The following COLEC12 variants were observed in gnomAD, a reference collection of about 807,000 sequenced individuals.
COLEC12 encodes collectin-12.
In COLEC12, 33 loss-of-function variants were observed where a neutral mutation model predicts 71.1. The ratio of observed to expected loss-of-function variants is 0.46; its 90% CI spans 0.35 to 0.62. The LOEUF (loss-of-function observed/expected upper bound fraction) is 0.62. COLEC12 is among the 20% of genes least tolerant of loss of function. The pLI is 0.00. For missense variants in COLEC12, 765 were observed against 916.1 expected (o/e 0.84, Z 2.13); for synonymous variants, 350 against 353.0 (o/e 0.99, Z 0.10).
At chr18:415,167 T>C (rs1014640381) in intron 2 of COLEC12, among the ~76,000 whole-genome samples, 1 of 152,232 alleles carries the variant, frequency 6.6e-6, no homozygotes, top group Non-Finnish European at 1.5e-5. Context: ...ACTAACATTA[T>C]TTCATTTGAT....
intron 2 of COLEC12, among the ~76,000 whole-genome samples, chr18:384,300 C>T (rs73942900): frequency 0.029 from 4,436 of 152,092 alleles, 214 homozygotes; most frequent in African/African-American, 0.099. Context: ...GCTAGTCCAC[C>T]TCACCTGGAG....
At chr18:406,604 T>A (rs1450084138) in intron 2 of COLEC12, among the ~76,000 whole-genome samples, 8 of 152,148 alleles carry the variant, frequency 5.3e-5, no homozygotes, top group Admixed American at 5.2e-4. Context: ...TTCCTTTACT[T>A]TCCTAATAAA....
intron 2 of COLEC12, among the ~76,000 whole-genome samples, chr18:453,334 G>A (rs1403864952): frequency 6.6e-6 from 1 of 152,264 alleles, no homozygotes; most frequent in South Asian, 2.1e-4. Context: ...GAGGGAGAAG[G>A]AAGAGAGAAG....
chr18:469,797 C>A (rs2846666), intron 2 of COLEC12, among the ~76,000 whole-genome samples: 110,301 of 152,044 alleles, frequency 0.73, 40,162 homozygotes, highest in East Asian at 0.9. Context: ...TACTCTATGA[C>A]TCTGTTTGGG....
intron 5 of COLEC12, among the ~76,000 whole-genome samples, chr18:342,811 G>T (rs1914285385): frequency 6.6e-6 from 1 of 152,182 alleles, no homozygotes; most frequent in South Asian, 2.1e-4. Flanking sequence ...TGAACAACAA[G>T]ACCAGTGATA....
chr18:343,345 A>C (rs1406488911), intron 5 of COLEC12, among the ~76,000 whole-genome samples: 1 of 151,922 alleles, frequency 6.6e-6, no homozygotes, highest in Non-Finnish European at 1.5e-5. Context: ...GGACCTCCTA[A>C]AGCTGGGGTC....
chr18:340,187 C>T (rs1914218450), intron 5 of COLEC12, among the ~76,000 whole-genome samples: 1 of 151,876 alleles, frequency 6.6e-6, no homozygotes, highest in South Asian at 2.1e-4. Context: ...ATGTGATGTC[C>T]TACGTGGAAG....
chr18:404,111 G>A (rs150230882), intron 2 of COLEC12, among the ~76,000 whole-genome samples: 13 of 152,320 alleles, frequency 8.5e-5, no homozygotes, highest in South Asian at 2.1e-4. Context: ...CGATGTGCGA[G>A]TATAATATAG....
intron 5 of COLEC12, among the ~76,000 whole-genome samples, chr18:344,540 A>C (rs911821056): frequency 2.0e-5 from 3 of 152,230 alleles, no homozygotes; most frequent in Non-Finnish European, 4.4e-5. Flanking sequence ...GGGGCTACTC[A>C]AAGTAAACAT....
intron 3 of COLEC12, among the ~76,000 whole-genome samples, 162 bp downstream of exon 3, chr18:357,238 T>G (rs1010593246): frequency 6.6e-6 from 1 of 152,216 alleles, no homozygotes; most frequent in Admixed American, 6.5e-5. Flanking sequence ...TCAGATCTCA[T>G]AGCTGTAAGT....
At chr18:473,556 T>C (rs912276069) in intron 2 of COLEC12, among the ~76,000 whole-genome samples, 1 of 151,560 alleles carries the variant, frequency 6.6e-6, no homozygotes, top group Non-Finnish European at 1.5e-5. Flanking sequence ...AGAGACAGGG[T>C]TTCTCCACAT....
intron 2 of COLEC12, among the ~76,000 whole-genome samples, chr18:428,432 T>C (rs762945235): frequency 6.6e-6 from 1 of 152,176 alleles, no homozygotes; most frequent in Non-Finnish European, 1.5e-5. Context: ...AATCAGATCC[T>C]TTTGTTAAAA....
chr18:498,773 C>T (rs55959802), intron 1 of COLEC12, among the ~76,000 whole-genome samples: 31,486 of 152,084 alleles, frequency 0.21, 3,773 homozygotes, highest in African/African-American at 0.33. Context: ...TATGGGGCTT[C>T]TGGGCAGCGC....
rs537895636 is a variant in COLEC12 at position 500,341 on chromosome 18, C to G, written c.7+167G>C. On this transcript the variant is annotated intron_variant, in intron 1 of 9. Transcript: ENST00000400256. This position sits in a 1 kb window ranked among gnomAD's most constrained non-coding sequence, Gnocchi z 5.3. ...CTCCAGCCGCGCCTGACCCGGGAGC[C>G]GGGTGCGCCCCCAGTGTCCGCGCAC... 4.2e-3 allele frequency among the ~76,000 whole-genome samples: 637 copies of G among 150,858 alleles called. 4 individuals are homozygous for G. The highest frequency in any genetic ancestry group is 0.015 in the African/African-American group (612 of 41,322).
At chr18:321,517 A>T in intron 9 of COLEC12, 145 bp downstream of exon 9, 1 of 791,472 alleles carries the variant, frequency 1.3e-6, no homozygotes, top group Non-Finnish European at 2.1e-6. Flanking sequence ...CCCTGAGGTT[A>T]ATCACCTGCC....
chr18:446,993 G>A (rs994195736), intron 2 of COLEC12, among the ~76,000 whole-genome samples: 1 of 152,162 alleles, frequency 6.6e-6, no homozygotes, highest in Non-Finnish European at 1.5e-5. Flanking sequence ...ATCATTTATA[G>A]TGTTTATCTT....
chr18:432,168 C>T (rs535738303), intron 2 of COLEC12, among the ~76,000 whole-genome samples: 2 of 152,324 alleles, frequency 1.3e-5, no homozygotes, highest in African/African-American at 2.4e-5. Flanking sequence ...TGTCCATTCA[C>T]CACCTTCATT....
chr18:444,538 C>T (rs1385545403), intron 2 of COLEC12, among the ~76,000 whole-genome samples: 4 of 152,200 alleles, frequency 2.6e-5, no homozygotes, highest in African/African-American at 7.2e-5. Flanking sequence ...GTTTTCATGA[C>T]ATTAATATAA....
At chr18:423,309 C>T (rs1333812957) in intron 2 of COLEC12, among the ~76,000 whole-genome samples, 5 of 152,144 alleles carry the variant, frequency 3.3e-5, no homozygotes, top group African/African-American at 1.2e-4. Context: ...TGGCCTAGAA[C>T]ATGTGCAGGA....
Sources: gnomAD v4.1 joint callset for allele counts (sites outside exome capture counted in the v4.1 genomes callset) on GRCh38, gnomAD v4.1.1 for gene constraint, Gnocchi (gnomAD v3.1) non-coding constraint, MANE v1.5 for transcripts, NCBI Gene and HGNC (gene_info 2026-07-23, HGNC 2026-07-21) for gene names.